Variants in HIPK1 observed in about 807,000 individuals in gnomAD.
The protein encoded by HIPK1 is homeodomain interacting protein kinase 1.
A neutral mutation model predicts 117.1 loss-of-function variants in HIPK1; 28 were observed. That is an observed-to-expected ratio of 0.24 (90% CI 0.18 to 0.33). The LOEUF (loss-of-function observed/expected upper bound fraction) is 0.33, where lower values mean the gene tolerates loss of function less well. Ranked by LOEUF, HIPK1 falls within the 10% of genes least tolerant of loss-of-function variation. HIPK1 has a pLI of 1.00. For missense variants in HIPK1, 1,122 were observed against 1,475.1 expected (o/e 0.76, Z 3.92); for synonymous variants, 605 against 562.5 (o/e 1.08, Z -1.07).
At chr1:113,943,388 T>G (rs1670779481) in intron 2 of HIPK1, among the ~76,000 whole-genome samples, 2 of 152,252 alleles carry the variant, frequency 1.3e-5, no homozygotes, top group South Asian at 2.1e-4. Flanking sequence ...ACAATATTTG[T>G]CTTTTTGTGT....
chr1:113,948,623 A>G (rs1478377000), intron 2 of HIPK1, among the ~76,000 whole-genome samples: 2 of 150,750 alleles, frequency 1.3e-5, no homozygotes, highest in Non-Finnish European at 2.9e-5. Flanking sequence ...TTTATAAGGT[A>G]GATACGGTAG....
chr1:113,970,555 A>G (rs1672755460), intron 14 of HIPK1, among the ~76,000 whole-genome samples: 1 of 152,222 alleles, frequency 6.6e-6, no homozygotes, highest in South Asian at 2.1e-4. Flanking sequence ...AGGACTTGAT[A>G]ATATTGAAAA....
chr1:113,973,583 G>C lies in HIPK1; in HGVS notation c.*71G>C. The C allele has an allele frequency of 6.7e-7, 1 of 1,496,856 alleles. No individual in the cohort carries two copies. Among genetic ancestry groups the C allele is most frequent in the Non-Finnish European group, 9.0e-7 (1 of 1,115,836 alleles). The allele number at this position is 1,496,856 out of a possible 1,614,324, so 92.7% of individuals were successfully genotyped here. ...CCTGCGTTCTTAATATTGGGCTATGGAGAGATCCTCCTTTACCCTCTTGAA... is the reference window on the plus strand; with the variant it reads ...CCTGCGTTCTTAATATTGGGCTATGCAGAGATCCTCCTTTACCCTCTTGAA... On this transcript the variant is annotated 3_prime_UTR_variant, in exon 16 of 16. Coordinates refer to ENST00000426820, the MANE Select transcript of HIPK1 (RefSeq NM_198268.3).
In HIPK1 at chr1:113,929,348, C is replaced by CCAGG; in HGVS notation, c.-185_-184insGGCA. ...TGACATTTTACAGTTGGATCCCGTA[C>CCAGG]CACCGCCAGGCACCTTTAAATCACC... On this transcript the variant is annotated 5_prime_UTR_variant, in exon 1 of 16. Transcript: ENST00000426820. The CCAGG allele has an allele frequency of 2.3e-6, 3 of 1,289,524 alleles. No individual in the cohort carries two copies. The highest frequency in any genetic ancestry group is 3.0e-6 in the Non-Finnish European group (3 of 988,868). The allele number at this position is 1,289,524 out of a possible 1,614,324, so 79.9% of individuals were successfully genotyped here.
chr1:113,936,733 C>T (rs576992858), intron 1 of HIPK1, among the ~76,000 whole-genome samples: 1 of 152,280 alleles, frequency 6.6e-6, no homozygotes, highest in East Asian at 1.9e-4. Flanking sequence ...AAAATGAATA[C>T]ATTTTTAAAA....
Position 113,956,681 on chromosome 1 carries a change from C to T in HIPK1, c.1462C>T (p.Arg488Ter). Residue 488 changes from arginine (R) to a stop codon, truncating the protein, a stop_gained, in exon 6 of 16, where the codon CGA becomes TGA. Coordinates refer to ENST00000426820, the MANE Select transcript of HIPK1 (RefSeq NM_198268.3). LOFTEE classifies it high-confidence loss of function. ...GTDMLAEKAD[R>*]REYIDLLKKM... ...AGACATGTTGGCAGAGAAGGCAGAC[C>T]GAAGAGAATACATTGATCTGTTAAA... 6.2e-7 allele frequency: 1 copy of T among 1,613,820 alleles called. No homozygotes were observed. Among genetic ancestry groups the T allele is most frequent in the Non-Finnish European group, 8.5e-7 (1 of 1,179,856 alleles).
At chr1:113,962,534 A>G (rs1672196275) in intron 9 of HIPK1, 96 bp downstream of exon 9, 1 of 1,245,098 alleles carries the variant, frequency 8.0e-7, no homozygotes, top group Non-Finnish European at 1.1e-6. Flanking sequence ...TGACTATAAG[A>G]TCTTTCTTGG....
In HIPK1 at chr1:113,941,014, A is replaced by G; in HGVS notation, c.631A>G (p.Ser211Gly). 3.1e-6 allele frequency: 5 copies of G among 1,614,194 alleles called. No homozygotes were observed. The highest frequency in any genetic ancestry group is 4.2e-6 in the Non-Finnish European group (5 of 1,180,030). ...ACAGGTGGCTAAGTGCTGGAAGAGG[A>G]GCACCAAGGAAATTGTGGCTATTAA... is the stretch of plus-strand genomic sequence containing the variant. Reference protein sequence around the residue: ...FGQVAKCWKRSTKEIVAIKIL... With the variant: ...FGQVAKCWKRGTKEIVAIKIL... Residue 211 changes from serine to glycine, a missense_variant, in exon 2 of 16, where the codon AGC (serine) becomes GGC (glycine). Transcript: ENST00000426820. The surrounding 1 kb of genome is among the most constrained non-coding windows in gnomAD (Gnocchi z 4.9).
At position 113,977,041 on chromosome 1, in the gene HIPK1, C is replaced by T. The variant is rs1475425310; in HGVS notation, c.*3529C>T. 1 of 152,800 alleles carries T rather than the reference C, an allele frequency of 6.5e-6. No homozygotes were observed. 9.5% of individuals were successfully genotyped at this position (152,800 alleles called of 1,614,324 possible). A position where few individuals can be genotyped will look rare whatever the true frequency, so the allele number is the denominator to read the frequency against. ...AACAGTTCTGGCCATTCTGAGCCTGCTTTTGTGATTGCTCATCCATTGTCC... is the reference window on the plus strand; with the variant it reads ...AACAGTTCTGGCCATTCTGAGCCTGTTTTTGTGATTGCTCATCCATTGTCC... On this transcript the variant is annotated 3_prime_UTR_variant, in exon 16 of 16. Transcript: ENST00000426820.
Position 113,940,603 on chromosome 1 carries a change from C to G in HIPK1, c.220C>G (p.Leu74Val), listed in dbSNP as rs927347706. 7 of 1,614,184 alleles carry G rather than the reference C, an allele frequency of 4.3e-6. No individual in the cohort carries two copies. Among genetic ancestry groups the G allele is most frequent in the East Asian group, 2.2e-5 (1 of 44,890 alleles). ...NFNIPAYDQG[L>V]LLPAPAVEHI... is the part of the protein sequence containing the mutation. ...CAACATCCCTGCTTACGACCAGGGC[C>G]TCCTCCTCCCAGCTCCTGCAGTGGA... The change falls in exon 2 of 16, where the codon CTC becomes GTC. Residue 74 changes from leucine (L) to valine (V), a missense_variant. Physicochemically the swap from Leu to Val is conservative, Grantham distance 32. Transcript: ENST00000426820.
At chr1:113,940,293 TA>T in intron 1 of HIPK1, 88 bp from the exon 2 acceptor site, 1 of 1,186,244 alleles carries the variant, frequency 8.4e-7, no homozygotes, top group Non-Finnish European at 1.2e-6. Flanking sequence ...TTTTATCAAG[TA>T]AAAGTGTGTG....
intron 13 of HIPK1, among the ~76,000 whole-genome samples, chr1:113,969,047 C>T (rs1020094327): frequency 1.4e-4 from 21 of 152,044 alleles, no homozygotes; most frequent in Middle Eastern, 3.4e-3. Flanking sequence ...AAAAAAGGGC[C>T]GAAGAAAAAG....
intron 8 of HIPK1, among the ~76,000 whole-genome samples, chr1:113,960,325 CCTTTTGTTAATT>C (rs1445836068): frequency 6.6e-6 from 1 of 152,188 alleles, no homozygotes; most frequent in East Asian, 1.9e-4. Context: ...AACAGTGTTG[CCTTTTGTTAATT>C]CTTTTTTTCC....
intron 1 of HIPK1, chr1:113,930,952 T>C (rs1669849209): frequency 6.6e-6 from 1 of 152,176 alleles, no homozygotes; most frequent in Non-Finnish European, 1.5e-5. Flanking sequence ...TTAGTGACAC[T>C]TTGGGAATTC....
chr1:113,962,174 G>T, intron 8 of HIPK1, 143 bp from the exon 9 acceptor site: 1 of 743,022 alleles, frequency 1.3e-6, no homozygotes, highest in East Asian at 2.9e-5. Context: ...AGACTTCTAT[G>T]AATGAAACTT....
intron 1 of HIPK1, chr1:113,930,361 G>A (rs1177772120): frequency 1.3e-5 from 2 of 152,474 alleles, no homozygotes; most frequent in Non-Finnish European, 2.9e-5. Flanking sequence ...TGTGCTGTTT[G>A]GGACCAGGAA....
rs114325298 is a variant in HIPK1, at chr1:113,969,960, G to A, written c.2776G>A (p.Gly926Arg). The A allele has an allele frequency of 9.5e-5, 153 of 1,614,088 alleles. No individual in the cohort carries two copies. In the East Asian group the frequency reaches 2.2e-3, roughly 23 times the overall value. Reference sequence around the variant, plus strand: ...ATGTATTTTTCTTTTCCTCAGCTCTGGACTGAAGCCAAGGTCTAATGTCAT... The same window carrying A: ...ATGTATTTTTCTTTTCCTCAGCTCTAGACTGAAGCCAAGGTCTAATGTCAT... ...EDNKYKPSSS[G>R]LKPRSNVISY... Residue 926 changes from glycine (G) to arginine (R), a missense_variant, in exon 14 of 16, where the codon GGA (glycine) becomes AGA (arginine). Around this residue, in one of 6 missense-constraint regions of HIPK1, gnomAD observed 731 missense variants for 860.4 expected, o/e 0.85. Transcript: ENST00000426820.
intron 1 of HIPK1, among the ~76,000 whole-genome samples, chr1:113,937,784 T>A (rs1670348607): frequency 6.6e-6 from 1 of 151,660 alleles, no homozygotes; most frequent in Non-Finnish European, 1.5e-5. Context: ...GTGACAGAGG[T>A]GTCAGGGCAG....
At position 113,970,993 on chromosome 1, in the gene HIPK1, T is replaced by C. The variant is rs79817657; in HGVS notation, c.3013+796T>C. 9.6e-3 allele frequency among the ~76,000 whole-genome samples: 1,462 copies of C among 152,328 alleles called. 25 individuals are homozygous for C. Among genetic ancestry groups the C allele is most frequent in the African/African-American group, 0.033 (1,368 of 41,576 alleles). On this transcript the variant is annotated intron_variant, in intron 14 of 15. Transcript: ENST00000426820. ...AATGTAGTCTTGTTAAGGCAGCTGC[T>C]TTTCAGTGACAACTTCATACCAAGG... is the stretch of plus-strand genomic sequence containing the variant.
Sources: allele counts gnomAD v4.1 joint callset (sites outside exome capture counted in the v4.1 genomes callset), GRCh38; gene constraint gnomAD v4.1.1; regional missense constraint gnomAD v4.1.1; non-coding constraint Gnocchi (gnomAD v3.1); transcripts MANE v1.5; gene names NCBI Gene and HGNC (gene_info 2026-07-23, HGNC 2026-07-21).